The following CCDC91 variants were observed in gnomAD, a reference collection of about 807,000 sequenced individuals.
CCDC91 encodes the protein coiled-coil domain-containing protein 91.
CCDC91 carries 48 observed loss-of-function variants against 63.2 expected under a neutral mutation model. The observed-to-expected ratio is 0.76, with a 90% CI of 0.60 to 0.97. The LOEUF (loss-of-function observed/expected upper bound fraction) is 0.97. CCDC91 is among the 50% of genes least tolerant of loss of function. The pLI, the probability that CCDC91 is intolerant of heterozygous loss-of-function variation, is 0.00. For synonymous variants in CCDC91, 167 were observed against 165.8 expected, an observed-to-expected ratio of 1.01 and a Z score of -0.06; for missense variants, 500 against 494.6, an observed-to-expected ratio of 1.01 and a Z score of -0.10.
intron 6 of CCDC91, among the ~76,000 whole-genome samples, chr12:28,320,642 C>T (rs1204736027): frequency 2.6e-5 from 4 of 151,866 alleles, no homozygotes; most frequent in African/African-American, 7.2e-5. Context: ...AAAATCAGTA[C>T]ACTTTATTTT....
At chr12:28,438,058 G>A (rs1422354742) in intron 8 of CCDC91, among the ~76,000 whole-genome samples, 2 of 152,096 alleles carry the variant, frequency 1.3e-5, no homozygotes, top group Admixed American at 6.6e-5. Flanking sequence ...GGATGTTTAT[G>A]ACACTTAAGC....
Position 28,479,379 on chromosome 12 carries a change from C to T in CCDC91, c.1102-4673C>T, listed in dbSNP as rs140091490. The stretch of plus-strand genomic sequence containing the variant: ...ATCACAAGGACAGAAAACCAAACAC[C>T]TGCATGTTCTCACTCATAGGTAGGA... On this transcript the variant is annotated intron_variant, in intron 11 of 12. Coordinates refer to ENST00000536442, the MANE Select transcript of CCDC91 (RefSeq NM_018318.5). Among the ~76,000 whole-genome samples, 477 of 152,000 alleles carry T rather than the reference C, an allele frequency of 3.1e-3. 4 individuals are homozygous for T. The highest frequency in any genetic ancestry group is 0.017 in the Middle Eastern group (5 of 294).
At chr12:28,242,828 G>A (rs1362301780) in intron 1 of CCDC91, among the ~76,000 whole-genome samples, 1 of 152,118 alleles carries the variant, frequency 6.6e-6, no homozygotes, top group Non-Finnish European at 1.5e-5. Context: ...CCTCTGTGTG[G>A]TGCTGTTCTT....
rs754907745 is a variant in CCDC91 at position 28,306,809 on chromosome 12, G to T, written c.335G>T (p.Ser112Ile). 1 of 1,612,062 alleles carries T rather than the reference G, an allele frequency of 6.2e-7. No individual in the cohort carries two copies. Among genetic ancestry groups the T allele is most frequent in the South Asian group, 1.1e-5 (1 of 91,036 alleles). The change falls in exon 5 of 13, where the codon AGT becomes ATT. Residue 112 changes from serine (S) to isoleucine (I), a missense_variant. Coordinates refer to ENST00000536442, the MANE Select transcript of CCDC91 (RefSeq NM_018318.5). ...CCATTGGGTTTAACTGATGAAAAAA[G>T]TAATGGAACAATTGCCCTTGTGGAT... ...LFPLGLTDEK[S>I]NGTIALVDDS... is the part of the protein sequence containing the mutation.
rs368498274 is a variant in CCDC91, at chr12:28,450,369, T to C, written c.875T>C (p.Leu292Ser). Residue 292 changes from leucine (L) to serine (S), a missense_variant, in exon 10 of 13, where the codon TTG becomes TCG. Leu to Ser is a moderately radical substitution (Grantham distance 145). Coordinates refer to ENST00000536442, the MANE Select transcript of CCDC91 (RefSeq NM_018318.5). ...QEQKEILEKC[L>S]EEERQRNKEA... ...TGACAGGAAATATTGGAAAAGTGTT[T>C]GGAGGAAGAAAGGCAAAGAAATAAA... 2.5e-5 allele frequency: 40 copies of C among 1,612,086 alleles called. No homozygotes were observed. The highest frequency in any genetic ancestry group is 3.3e-5 in the Non-Finnish European group (39 of 1,178,562).
chr12:28,498,405 G>C (rs1174322411), intron 12 of CCDC91, among the ~76,000 whole-genome samples: 1 of 151,500 alleles, frequency 6.6e-6, no homozygotes, highest in Non-Finnish European at 1.5e-5. Flanking sequence ...AGCCCAAACA[G>C]GTAAACATTG....
chr12:28,257,664 C>T (rs556016673), intron 2 of CCDC91, among the ~76,000 whole-genome samples: 1 of 152,062 alleles, frequency 6.6e-6, no homozygotes, highest in Non-Finnish European at 1.5e-5. Flanking sequence ...AAGTACATAG[C>T]CTTTTGGTGG....
At chr12:28,543,344 T>C (rs565051860) in intron 12 of CCDC91, among the ~76,000 whole-genome samples, 2 of 152,252 alleles carry the variant, frequency 1.3e-5, no homozygotes, top group South Asian at 2.1e-4. Context: ...CCCACTGTTC[T>C]CTTACAAGAT....
intron 7 of CCDC91, among the ~76,000 whole-genome samples, chr12:28,368,584 G>A (rs9300176): frequency 0.68 from 102,912 of 152,088 alleles, 35,511 homozygotes; most frequent in East Asian, 0.95. Flanking sequence ...AATTGTTTAC[G>A]TCGCTTTTAA....
At chr12:28,443,204 G>A (rs1427659908) in intron 8 of CCDC91, among the ~76,000 whole-genome samples, 2 of 145,090 alleles carry the variant, frequency 1.4e-5, no homozygotes, top group Non-Finnish European at 3.0e-5. Flanking sequence ...TCCCTTAATA[G>A]TTAATTAGGA....
At chr12:28,407,709 T>C (rs1013765851) in intron 8 of CCDC91, among the ~76,000 whole-genome samples, 6 of 152,142 alleles carry the variant, frequency 3.9e-5, no homozygotes. Flanking sequence ...TATTGAGTCT[T>C]TGTACCTATG....
At chr12:28,387,003 G>A (rs548914208) in intron 7 of CCDC91, among the ~76,000 whole-genome samples, 2 of 152,244 alleles carry the variant, frequency 1.3e-5, no homozygotes, top group South Asian at 4.1e-4. Context: ...TGTAGAGACA[G>A]TTACAGAAGA....
At chr12:28,470,562 G>C (rs112579741) in intron 11 of CCDC91, among the ~76,000 whole-genome samples, 21 of 152,180 alleles carry the variant, frequency 1.4e-4, no homozygotes, top group African/African-American at 4.6e-4. Flanking sequence ...ACTACCATAG[G>C]ATCCAGCCAT....
intron 12 of CCDC91, among the ~76,000 whole-genome samples, chr12:28,488,826 A>G (rs1951854839): frequency 6.6e-6 from 1 of 151,946 alleles, no homozygotes; most frequent in African/African-American, 2.4e-5. Flanking sequence ...GCATTGAAAG[A>G]CCATATTGTA....
chr12:28,268,774 G>GATGA, intron 3 of CCDC91: 1 of 578,934 alleles, frequency 1.7e-6, no homozygotes, highest in Non-Finnish European at 2.2e-6. Flanking sequence ...ATCTACTGTG[G>GATGA]ATGAATAGTG....
At chr12:28,432,026 T>C (rs1948654276) in intron 8 of CCDC91, among the ~76,000 whole-genome samples, 2 of 151,954 alleles carry the variant, frequency 1.3e-5, no homozygotes, top group Admixed American at 1.3e-4. Flanking sequence ...CTTAGTAATA[T>C]GCGTTTAGGT....
rs536922184 is a variant in CCDC91, at chr12:28,544,365, T to A, written c.1216-4698T>A. 2.6e-5 allele frequency among the ~76,000 whole-genome samples: 4 copies of A among 152,092 alleles called. No homozygotes were observed. The South Asian group carries it at 8.3e-4, about 32-fold the overall frequency. ...CCCTTCTTGTCTCTTTTCAAGTCTC[T>A]TAATTACCACCTTCTCTAAGTGGTC... On this transcript the variant is annotated intron_variant, in intron 12 of 12. Transcript: ENST00000536442.
At chr12:28,301,943 G>C (rs71438639) in intron 3 of CCDC91, among the ~76,000 whole-genome samples, 11 of 151,460 alleles carry the variant, frequency 7.3e-5, no homozygotes, top group Non-Finnish European at 1.3e-4. Flanking sequence ...TTTATTGTTA[G>C]TTACTATTTT....
intron 1 of CCDC91, among the ~76,000 whole-genome samples, chr12:28,210,524 G>A (rs1453260756): frequency 6.6e-6 from 1 of 152,132 alleles, no homozygotes; most frequent in African/African-American, 2.4e-5. Context: ...GCTATAGGAT[G>A]AAGTCTTTGG....
Sources: allele counts gnomAD v4.1 joint callset (sites outside exome capture counted in the v4.1 genomes callset), GRCh38; gene constraint gnomAD v4.1.1; transcripts MANE v1.5; gene names NCBI Gene and HGNC (gene_info 2026-07-23, HGNC 2026-07-21).